The following TOP3A variants were observed in gnomAD, a reference collection of about 807,000 sequenced individuals.
TOP3A encodes the protein DNA topoisomerase 3-alpha.
TOP3A carries 64 observed loss-of-function variants against 111.3 expected under a neutral mutation model. That is an observed-to-expected ratio of 0.57 (90% CI 0.47 to 0.71). The LOEUF (loss-of-function observed/expected upper bound fraction) is 0.71, where lower values mean the gene tolerates loss of function less well. Among genes scored for constraint, TOP3A ranks in the 30% least tolerant of loss-of-function variants. The pLI, the probability that TOP3A is intolerant of heterozygous loss-of-function variation, is 0.00. For synonymous variants in TOP3A, 484 were observed against 485.1 expected (o/e 1.00, Z 0.03); for missense variants, 1,104 against 1,285.0 (o/e 0.86, Z 2.15).
At chr17:18,279,276 A>T (rs1463410070) in intron 17 of TOP3A, among the ~76,000 whole-genome samples, 9 of 151,726 alleles carry the variant, frequency 5.9e-5, no homozygotes, top group Admixed American at 5.9e-4. Flanking sequence ...TTTTTTTTTG[A>T]GACAGAGTAT....
At position 18,308,409 on chromosome 17, in the gene TOP3A, T is replaced by C. The variant is rs781068422; in HGVS notation, c.256A>G (p.Met86Val). The change falls in exon 3 of 19, where the codon ATG (methionine) becomes GTG (valine). Residue 86 changes from methionine (M) to valine (V), a missense_variant. By Grantham distance (21) the Met-to-Val change is conservative. Coordinates refer to ENST00000321105, the MANE Select transcript of TOP3A (RefSeq NM_004618.5). ...AGTAAATGTCCAGAAACTGAAGTCATTACCATGGTAACATTCTGAATGATG... is the reference window on the plus strand; with the variant it reads ...AGTAAATGTCCAGAAACTGAAGTCACTACCATGGTAACATTCTGAATGATG... ...HLYGQNVTMV[M>V]TSVSGHLLAH... The C allele has an allele frequency of 1.9e-6, 3 of 1,602,706 alleles. No individual in the cohort carries two copies. Among genetic ancestry groups the C allele is most frequent in the South Asian group, 1.1e-5 (1 of 88,516 alleles).
At chr17:18,308,223 C>CAAAAAAAAAAAAAAAAAAAAA in intron 3 of TOP3A, 128 bp downstream of exon 3, 1 of 231,316 alleles carries the variant, frequency 4.3e-6, no homozygotes, top group East Asian at 1.2e-4. Flanking sequence ...TTGTCTCCAA[C>CAAAAAAAAAAAAAAAAAAAAA]AAAAAAAAAA....
chr17:18,293,606 T>TC (rs1208515923), intron 10 of TOP3A, among the ~76,000 whole-genome samples: 2 of 150,556 alleles, frequency 1.3e-5, no homozygotes, highest in Non-Finnish European at 3.0e-5. Context: ...AATTTTTGTT[T>TC]CCCCCCAAGA....
intron 9 of TOP3A, 127 bp downstream of exon 9, chr17:18,299,432 T>A: frequency 1.2e-6 from 1 of 812,790 alleles, no homozygotes; most frequent in Non-Finnish European, 2.1e-6. Flanking sequence ...CTTTCTCCAG[T>A]GTTTTCTTGT....
intron 1 of TOP3A, 49 bp downstream of exon 1, chr17:18,314,550 C>T: frequency 1.3e-6 from 2 of 1,557,026 alleles, no homozygotes; most frequent in Non-Finnish European, 1.7e-6. Flanking sequence ...CTGTCCCGCT[C>T]GGTGGGCCTC....
Position 18,285,065 on chromosome 17 carries a change from G to GA in TOP3A, c.1877+76dup, listed in dbSNP as rs1411371890. On this transcript the variant is annotated intron_variant, in intron 15 of 18. Coordinates refer to ENST00000321105, the MANE Select transcript of TOP3A (RefSeq NM_004618.5). ...ACACTTTGGGAGGCTGAGGTGGGAA[G>GA]ATCTCTTGAGGCCAGGAGTTCAAGA... The GA allele has an allele frequency of 2.6e-6, 4 of 1,535,990 alleles. No individual in the cohort carries two copies. In the East Asian group the frequency reaches 9.0e-5, roughly 35 times the overall value.
intron 8 of TOP3A, among the ~76,000 whole-genome samples, chr17:18,300,071 T>C (rs1981129040): frequency 6.6e-6 from 1 of 151,984 alleles, no homozygotes; most frequent in Non-Finnish European, 1.5e-5. Flanking sequence ...CCAGTGCTCC[T>C]TTAAAAAAAA....
chr17:18,282,040 G>A (rs367827949), intron 16 of TOP3A, among the ~76,000 whole-genome samples: 5 of 152,114 alleles, frequency 3.3e-5, no homozygotes, highest in East Asian at 1.9e-4. Flanking sequence ...CCTCCACCTC[G>A]TCTTTCCCCG....
chr17:18,279,756 T>C (rs569283229), intron 17 of TOP3A, among the ~76,000 whole-genome samples: 2 of 152,298 alleles, frequency 1.3e-5, no homozygotes. Flanking sequence ...GGTGAAATCA[T>C]GGCTCACTAC....
chr17:18,302,480 G>A (rs750372373), intron 6 of TOP3A, 46 bp from the exon 7 acceptor site: 1 of 1,595,630 alleles, frequency 6.3e-7, no homozygotes, highest in Non-Finnish European at 8.6e-7. Flanking sequence ...GATGGATAAT[G>A]AGAGTCCAGG....
intron 17 of TOP3A, 116 bp downstream of exon 17, chr17:18,280,420 C>T (rs887288225): frequency 2.0e-5 from 24 of 1,213,790 alleles, no homozygotes; most frequent in African/African-American, 1.2e-4. Context: ...AACACAGCTA[C>T]GCCCCTGCAG....
At chr17:18,292,928 A>G in intron 10 of TOP3A, 76 bp from the exon 11 acceptor site, 1 of 1,373,726 alleles carries the variant, frequency 7.3e-7, no homozygotes. Context: ...GAAAGCACAC[A>G]CTAACACCTG....
At chr17:18,305,609 T>C (rs970028361) in intron 4 of TOP3A, among the ~76,000 whole-genome samples, 18 of 150,970 alleles carry the variant, frequency 1.2e-4, no homozygotes, top group African/African-American at 4.4e-4. Context: ...GAGGCCGAGG[T>C]GGGTGGATCA....
In TOP3A at chr17:18,302,288, G is replaced by T; in HGVS notation, c.790C>A (p.Pro264Thr). ...CCTTTAATTCTGTGGAAGATTTCTGGTACAAAAGCCTGAATGGCTTTGAAC... is the reference window on the plus strand; with the variant it reads ...CCTTTAATTCTGTGGAAGATTTCTGTTACAAAAGCCTGAATGGCTTTGAAC... ...ERFKAIQAFV[P>T]EIFHRIKVTH... The change falls in exon 7 of 19, where the codon CCA (proline) becomes ACA (threonine). Residue 264 changes from proline to threonine, a missense_variant. By Grantham distance (38) the Pro-to-Thr change is conservative (BLOSUM62 -1). Coordinates refer to ENST00000321105, the MANE Select transcript of TOP3A (RefSeq NM_004618.5). 1 of 1,611,180 alleles carries T rather than the reference G, an allele frequency of 6.2e-7. No individual in the cohort carries two copies. The highest frequency in any genetic ancestry group is 2.2e-5 in the East Asian group (1 of 44,874).
chr17:18,291,986 A>T (rs893776499), intron 11 of TOP3A, among the ~76,000 whole-genome samples: 1 of 152,184 alleles, frequency 6.6e-6, no homozygotes, highest in African/African-American at 2.4e-5. Flanking sequence ...TGTTGGGATT[A>T]CAAGCATAAG....
chr17:18,314,703 T>C lies in TOP3A; in HGVS notation c.76A>G (p.Met26Val). The C allele has an allele frequency of 1.9e-6, 3 of 1,608,982 alleles. No homozygotes were observed. The highest frequency in any genetic ancestry group is 1.3e-5 in the African/African-American group (1 of 74,814). ...CGCACGCCTCGGAGGGCCATCTCCATGGCGGCGCGGGAAAAGGCACGGTCT... is the reference window on the plus strand; with the variant it reads ...CGCACGCCTCGGAGGGCCATCTCCACGGCGGCGCGGGAAAAGGCACGGTCT... Reference protein sequence around the residue: ...PEDRAFSRAAMEMALRGVRKV... With the variant: ...PEDRAFSRAAVEMALRGVRKV... Residue 26 changes from methionine to valine, a missense_variant, in exon 1 of 19, where the codon ATG becomes GTG. Transcript: ENST00000321105.
At chr17:18,283,132 G>A (rs1269166191) in intron 15 of TOP3A, among the ~76,000 whole-genome samples, 1 of 152,186 alleles carries the variant, frequency 6.6e-6, no homozygotes, top group East Asian at 1.9e-4. Context: ...TGTAATCCCA[G>A]GCCGAGGCGG....
At chr17:18,300,136 G>C (rs1406308355) in intron 8 of TOP3A, among the ~76,000 whole-genome samples, 2 of 152,044 alleles carry the variant, frequency 1.3e-5, no homozygotes, top group African/African-American at 4.8e-5. Context: ...AGTGGCTCAC[G>C]CCTGTAATCC....
chr17:18,314,793 C>T lies in TOP3A; in HGVS notation c.-15G>A, dbSNP rs1982153342. On this transcript the variant is annotated 5_prime_UTR_variant, in exon 1 of 19. Coordinates refer to ENST00000321105, the MANE Select transcript of TOP3A (RefSeq NM_004618.5). Reference sequence around the variant, plus strand: ...GGAAAGATCATCCTCAGACCTCGCGCCCGGAGCCGCTCCCCGGCTGCCGGC... The same window carrying T: ...GGAAAGATCATCCTCAGACCTCGCGTCCGGAGCCGCTCCCCGGCTGCCGGC... 2 of 1,500,766 alleles carry T rather than the reference C, an allele frequency of 1.3e-6. No homozygotes were observed. The highest frequency in any genetic ancestry group is 1.4e-5 in the African/African-American group (1 of 70,826). 93.0% of individuals were successfully genotyped at this position (1,500,766 alleles called of 1,614,324 possible).
Sources: gnomAD v4.1 joint callset for allele counts (sites outside exome capture counted in the v4.1 genomes callset) on GRCh38, gnomAD v4.1.1 for gene constraint, MANE v1.5 for transcripts, NCBI Gene and HGNC (gene_info 2026-07-23, HGNC 2026-07-21) for gene names.